CBFA2T3: variants seen among roughly 807,000 people sequenced by gnomAD.
CBFA2T3 encodes the protein CBFA2/RUNX1 partner transcriptional co-repressor 3.
CBFA2T3 carries 31 observed loss-of-function variants against 58.6 expected under a neutral mutation model. The ratio of observed to expected loss-of-function variants is 0.53; its 90% CI spans 0.40 to 0.71. CBFA2T3 has a LOEUF of 0.71. CBFA2T3 is among the 30% of genes least tolerant of loss of function. The pLI, the probability that CBFA2T3 is intolerant of heterozygous loss-of-function variation, is 0.00. For synonymous variants in CBFA2T3, 531 were observed against 421.9 expected, an observed-to-expected ratio of 1.26 and a Z score of -3.17; for missense variants, 1,076 against 963.1, an observed-to-expected ratio of 1.12 and a Z score of -1.55.
At chr16:88,947,622 A>T (rs1971936765) in intron 1 of CBFA2T3, among the ~76,000 whole-genome samples, 1 of 152,240 alleles carries the variant, frequency 6.6e-6, no homozygotes, top group African/African-American at 2.4e-5. Context: ...ACTAATAAGG[A>T]TACAAAGTAG....
At chr16:88,959,875 A>G (rs1395283757) in intron 1 of CBFA2T3, among the ~76,000 whole-genome samples, 1 of 152,008 alleles carries the variant, frequency 6.6e-6, no homozygotes, top group Admixed American at 6.5e-5. Flanking sequence ...AAAATACAAA[A>G]ATTAGCAGGA....
At chr16:88,946,033 C>T (rs752313173) in intron 1 of CBFA2T3, among the ~76,000 whole-genome samples, 2 of 152,124 alleles carry the variant, frequency 1.3e-5, no homozygotes, top group Non-Finnish European at 2.9e-5. Flanking sequence ...GATGGCCGGG[C>T]GTGGTGGCTC....
At chr16:88,920,564 C>G (rs1259639151) in intron 1 of CBFA2T3, among the ~76,000 whole-genome samples, 1 of 152,026 alleles carries the variant, frequency 6.6e-6, no homozygotes, top group Non-Finnish European at 1.5e-5. Context: ...GGATTACAGG[C>G]GGAAGCCACC....
rs1001113920 is a variant in CBFA2T3 at position 88,875,105 on chromosome 16, G to A, written c.*1871C>T. On this transcript the variant is annotated 3_prime_UTR_variant, in exon 12 of 12. Transcript: ENST00000268679. Reference sequence around the variant, plus strand: ...GCCACGCGCACAGATGCCAGGCCACGGGCCACGCCACACACACAGATGCCA... The same window carrying A: ...GCCACGCGCACAGATGCCAGGCCACAGGCCACGCCACACACACAGATGCCA... 3.4e-5 allele frequency: 8 copies of A among 235,394 alleles called. No individual in the cohort carries two copies. Among genetic ancestry groups the A allele is most frequent in the Non-Finnish European group, 5.9e-5 (7 of 119,332 alleles). 14.6% of individuals were successfully genotyped at this position (235,394 alleles called of 1,614,324 possible).
Position 88,875,201 on chromosome 16 carries a change from G to A in CBFA2T3, c.*1775C>T, listed in dbSNP as rs902664974. ...ACCACGCACACAGATGCCAAGCCAC[G>A]GGCCACGCCACACGCACAGATGCCA... is the stretch of plus-strand genomic sequence containing the variant. On this transcript the variant is annotated 3_prime_UTR_variant, in exon 12 of 12. Coordinates refer to ENST00000268679, the MANE Select transcript of CBFA2T3 (RefSeq NM_005187.6). 1.1e-4 allele frequency: 25 copies of A among 234,804 alleles called. No homozygotes were observed. The highest frequency in any genetic ancestry group is 3.2e-4 in the South Asian group (2 of 6,192). The allele number at this position is 234,804 out of a possible 1,614,324, so 14.5% of individuals were successfully genotyped here. A position where few individuals can be genotyped will look rare whatever the true frequency, so the allele number is the denominator to read the frequency against.
chr16:88,898,579 G>A (rs181882581), intron 2 of CBFA2T3, among the ~76,000 whole-genome samples: 3 of 152,324 alleles, frequency 2.0e-5, no homozygotes, highest in Non-Finnish European at 2.9e-5. Flanking sequence ...TGTTTTCATC[G>A]TCCTCTTCCC....
intron 1 of CBFA2T3, among the ~76,000 whole-genome samples, chr16:88,905,000 G>A (rs1189613894): frequency 5.3e-5 from 8 of 152,248 alleles, no homozygotes; most frequent in Non-Finnish European, 1.0e-4. Flanking sequence ...GACTCTACCC[G>A]AGAAAGCAGA....
intron 1 of CBFA2T3, among the ~76,000 whole-genome samples, chr16:88,922,546 G>A (rs549537435): frequency 9.8e-4 from 150 of 152,324 alleles, no homozygotes; most frequent in African/African-American, 3.4e-3. Context: ...GCTGATGCCC[G>A]GGGCAGACAT....
intron 5 of CBFA2T3, chr16:88,887,061 C>A (rs1272659344): frequency 6.6e-6 from 1 of 152,076 alleles, no homozygotes; most frequent in Non-Finnish European, 1.5e-5. Context: ...GCATGCTGGA[C>A]CAGGGCCCAG....
At chr16:88,944,329 T>C (rs1597773567) in intron 1 of CBFA2T3, among the ~76,000 whole-genome samples, 3 of 101,934 alleles carry the variant, frequency 2.9e-5, no homozygotes, top group African/African-American at 1.2e-4. Context: ...AGAGCGAGAC[T>C]CCATCTCAAA....
chr16:88,908,107 C>G (rs968267520), intron 1 of CBFA2T3, among the ~76,000 whole-genome samples: 1 of 152,146 alleles, frequency 6.6e-6, no homozygotes, highest in African/African-American at 2.4e-5. Flanking sequence ...TTTGGGAGGC[C>G]AAGGTAGGCA....
chr16:88,884,954 G>GGT, intron 7 of CBFA2T3, 92 bp downstream of exon 7: 2 of 942,170 alleles, frequency 2.1e-6, no homozygotes, highest in Non-Finnish European at 3.1e-6. Context: ...AGCTGCCCGT[G>GGT]GTGCCCTGTG....
chr16:88,882,903 T>C (rs1048315840), intron 7 of CBFA2T3, 142 bp from the exon 8 acceptor site: 11 of 663,954 alleles, frequency 1.7e-5, no homozygotes, highest in African/African-American at 5.3e-5. Flanking sequence ...GAAGGGCTGG[T>C]TGACTTGGTG....
At chr16:88,970,273 G>A (rs1972617016) in intron 1 of CBFA2T3, among the ~76,000 whole-genome samples, 2 of 152,202 alleles carry the variant, frequency 1.3e-5, no homozygotes, top group Admixed American at 1.3e-4. Context: ...GGCGACGCGG[G>A]TGTCAGGCAG....
intron 4 of CBFA2T3, 101 bp downstream of exon 4, chr16:88,892,143 T>C: frequency 6.9e-7 from 1 of 1,457,764 alleles, no homozygotes; most frequent in Non-Finnish European, 9.4e-7. Flanking sequence ...CACGCCCGGT[T>C]GTCAGCGTGG....
At chr16:88,940,969 G>A in intron 1 of CBFA2T3, 4 of 883,984 alleles carry the variant, frequency 4.5e-6, no homozygotes, top group Non-Finnish European at 4.1e-6. Flanking sequence ...GCAGCCGCGG[G>A]CGGAGTCGGG....
In CBFA2T3 at chr16:88,908,465, C is replaced by T. The variant is rs554927935; in HGVS notation, c.152-6809G>A. 3.1e-4 allele frequency among the ~76,000 whole-genome samples: 47 copies of T among 152,332 alleles called. 1 individual carries two copies. The highest frequency in any genetic ancestry group is 2.6e-3 in the Admixed American group (40 of 15,306). ...CCAGTTCCCAGCAAAATGTCACTAA[C>T]GGGCCGGGAGAGGAAGCCGCTTTGC... is the stretch of plus-strand genomic sequence containing the variant. On this transcript the variant is annotated intron_variant, in intron 1 of 11. Transcript: ENST00000268679.
chr16:88,919,687 G>GAGGTGCATGT (rs1970849349), intron 1 of CBFA2T3, among the ~76,000 whole-genome samples: 1 of 152,182 alleles, frequency 6.6e-6, no homozygotes, highest in African/African-American at 2.4e-5. Context: ...CGGGACCCCA[G>GAGGTGCATGT]TTACTTCTGA....
chr16:88,976,217 G>A (rs1034423536), intron 1 of CBFA2T3, among the ~76,000 whole-genome samples: 2 of 152,218 alleles, frequency 1.3e-5, no homozygotes, highest in Non-Finnish European at 2.9e-5. Flanking sequence ...CGGGGTCTTG[G>A]GCCAGTGCCC....
Sources: gnomAD v4.1 joint callset for allele counts (sites outside exome capture counted in the v4.1 genomes callset) on GRCh38, gnomAD v4.1.1 for gene constraint, MANE v1.5 for transcripts, NCBI Gene and HGNC (gene_info 2026-07-23, HGNC 2026-07-21) for gene names.